Variants in KCNH3 observed in about 807,000 individuals in gnomAD.
KCNH3 encodes potassium voltage-gated channel subfamily H member 3, also known as voltage-gated inwardly rectifying potassium channel KCNH3.
In KCNH3, 36 loss-of-function variants were observed where a neutral mutation model predicts 95.6. That is an observed-to-expected ratio of 0.38 (90% confidence interval 0.29 to 0.50). The LOEUF (loss-of-function observed/expected upper bound fraction) is 0.50, where lower values mean the gene tolerates loss of function less well. Ranked by LOEUF, KCNH3 falls within the 20% of genes least tolerant of loss-of-function variation. KCNH3 has a pLI of 0.95. For synonymous variants in KCNH3, 620 were observed against 646.3 expected, an observed-to-expected ratio of 0.96 and a Z score of 0.62; for missense variants, 1,030 against 1,484.1, an observed-to-expected ratio of 0.69 and a Z score of 5.03.
chr12:49,550,384 C>G (rs931368756), intron 10 of KCNH3, 55 bp downstream of exon 10: 1 of 1,538,504 alleles, frequency 6.5e-7, no homozygotes, highest in Non-Finnish European at 8.7e-7. Flanking sequence ...GACCATGGCC[C>G]TGATCTGTGG....
intron 3 of KCNH3, among the ~76,000 whole-genome samples, chr12:49,541,974 GT>G (rs1937886707): frequency 1.3e-5 from 2 of 152,354 alleles, no homozygotes; most frequent in Admixed American, 1.3e-4. Flanking sequence ...CAAAGTTGGA[GT>G]TTTTAAGTCA....
intron 11 of KCNH3, among the ~76,000 whole-genome samples, 181 bp from the exon 12 acceptor site, chr12:49,555,439 T>A (rs777331435): frequency 2.8e-4 from 38 of 138,130 alleles, no homozygotes; most frequent in Non-Finnish European, 5.5e-4. Context: ...AGAGTAAGAC[T>A]CTGTCTCAAA....
chr12:49,557,849 G>A lies in KCNH3; in HGVS notation c.3148G>A (p.Gly1050Ser), dbSNP rs201778074. The A allele has an allele frequency of 1.9e-6, 3 of 1,591,704 alleles. No individual in the cohort carries two copies. The highest frequency in any genetic ancestry group is 2.3e-5 in the East Asian group (1 of 44,424). The change falls in exon 15 of 15, where the codon GGC becomes AGC. Residue 1050 changes from glycine to serine, a missense_variant. By Grantham distance (56) the Gly-to-Ser change is moderately conservative. Coordinates refer to ENST00000257981, the MANE Select transcript of KCNH3 (RefSeq NM_012284.3). ...STGEPPPGSG[G>S]LALPWDPHSL... ...TGGAGAGCCCCCACCAGGGTCAGGG[G>A]GCCTGGCCTTGCCCTGGGACCCCCA...
chr12:49,554,713 C>T (rs536381572), intron 11 of KCNH3, among the ~76,000 whole-genome samples, 159 bp downstream of exon 11: 1 of 146,038 alleles, frequency 6.8e-6, no homozygotes, highest in East Asian at 2.0e-4. Context: ...CCCTTCCACA[C>T]TCATGTGCCC....
At chr12:49,548,752 G>C in intron 7 of KCNH3, 143 bp from the exon 8 acceptor site, 1 of 764,262 alleles carries the variant, frequency 1.3e-6, no homozygotes, top group South Asian at 1.9e-5. Context: ...GGGGTGGAGA[G>C]GGGTGTGCTA....
rs758784006 is a variant in KCNH3 at position 49,557,240 on chromosome 12, T to C, written c.2633T>C (p.Leu878Pro). The C allele has an allele frequency of 1.2e-6, 2 of 1,613,404 alleles. No homozygotes were observed. Among genetic ancestry groups the C allele is most frequent in the Non-Finnish European group, 1.7e-6 (2 of 1,179,820 alleles). ...GPSEARNTDT[L>P]DKLRQAVTEL... ...AGCGAGGCAAGGAACACAGACACAC[T>C]GGACAAGCTTCGGCAGGCGGTGGGT... is the stretch of plus-strand genomic sequence containing the variant. Residue 878 changes from leucine (L) to proline (P), a missense_variant, in exon 14 of 15, where the codon CTG becomes CCG. By Grantham distance (98) the Leu-to-Pro change is moderately conservative. Around this residue, in one of 9 missense-constraint regions of KCNH3, gnomAD observed 464 missense variants for 493.2 expected, o/e 0.94. Coordinates refer to ENST00000257981, the MANE Select transcript of KCNH3 (RefSeq NM_012284.3).
intron 13 of KCNH3, 92 bp from the exon 14 acceptor site, chr12:49,557,091 C>T (rs2138172661): frequency 8.1e-7 from 1 of 1,229,268 alleles, no homozygotes; most frequent in East Asian, 2.4e-5. Flanking sequence ...CCTACCAGGT[C>T]AATGTGCTCT....
intron 13 of KCNH3, 48 bp from the exon 14 acceptor site, chr12:49,557,135 A>G (rs778298227): frequency 3.0e-5 from 48 of 1,595,772 alleles, no homozygotes; most frequent in Middle Eastern, 1.7e-4. Context: ...CAAATTGCCT[A>G]TCTCCTCTTA....
chr12:49,554,590 G>C, intron 11 of KCNH3, 36 bp downstream of exon 11: 1 of 1,563,226 alleles, frequency 6.4e-7, no homozygotes. Context: ...AGGGGATGGG[G>C]GTGCCAGGGA....
At chr12:49,554,652 G>A in intron 11 of KCNH3, 98 bp downstream of exon 11, 3 of 1,093,886 alleles carry the variant, frequency 2.7e-6, no homozygotes, top group Non-Finnish European at 4.0e-6. Flanking sequence ...TGTGTGAAGT[G>A]TGGCCTGGTA....
In KCNH3 at chr12:49,556,391, C is replaced by A. The variant is rs377678898; in HGVS notation, c.2490C>A (p.Asp830Glu). The A allele has an allele frequency of 6.2e-6, 10 of 1,613,484 alleles. No individual in the cohort carries two copies. Among genetic ancestry groups the A allele is most frequent in the Non-Finnish European group, 8.5e-6 (10 of 1,179,534 alleles). Residue 830 changes from aspartate (D) to glutamate (E), a missense_variant, in exon 13 of 15, where the codon GAC becomes GAA. By Grantham distance (45) the Asp-to-Glu change is conservative (BLOSUM62 2). Coordinates refer to ENST00000257981, the MANE Select transcript of KCNH3 (RefSeq NM_012284.3). Reference sequence around the variant, plus strand: ...ACAGGGTAGTAGATGGCATTGAAGACGGCTGTGGCTCGGACCAGCCCAAGT... The same window carrying A: ...ACAGGGTAGTAGATGGCATTGAAGAAGGCTGTGGCTCGGACCAGCCCAAGT... ...LSPRVVDGIE[D>E]GCGSDQPKFS...
At position 49,544,238 on chromosome 12, in the gene KCNH3, C is replaced by G. The variant is rs1353799778; in HGVS notation, c.1045C>G (p.Leu349Val). 6.3e-7 allele frequency: 1 copy of G among 1,599,518 alleles called. No individual in the cohort carries two copies. The highest frequency in any genetic ancestry group is 1.7e-5 in the Admixed American group (1 of 58,474). Residue 349 changes from leucine (L) to valine (V), a missense_variant, in exon 7 of 15, where the codon CTG (leucine) becomes GTG (valine). Coordinates refer to ENST00000257981, the MANE Select transcript of KCNH3 (RefSeq NM_012284.3). ...GCGCCTGCTGCGCCTGCTTCCGCGG[C>G]TGGACCGGTACTCGCAGTACAGCGC... ...LLRLLRLLPR[L>V]DRYSQYSAVV...
At chr12:49,547,007 G>C (rs1274630502) in intron 7 of KCNH3, among the ~76,000 whole-genome samples, 1 of 148,358 alleles carries the variant, frequency 6.7e-6, no homozygotes, top group East Asian at 1.9e-4. Context: ...CAATTCTTCT[G>C]CCTCAGTCTC....
At chr12:49,543,172 T>G (rs1937933441) in intron 4 of KCNH3, 103 bp from the exon 5 acceptor site, 4 of 1,272,842 alleles carry the variant, frequency 3.1e-6, no homozygotes, top group Non-Finnish European at 4.4e-6. Context: ...GCTTCGATAA[T>G]GCAGGGATAG....
intron 2 of KCNH3, 132 bp downstream of exon 2, chr12:49,541,264 C>T (rs1028584815): frequency 2.0e-5 from 14 of 715,588 alleles, no homozygotes; most frequent in Non-Finnish European, 3.3e-5. Context: ...CTTCCCATCC[C>T]CCCATCCAAC....
rs138503149 is a variant in KCNH3 at position 49,543,430 on chromosome 12, C to T, written c.735C>T (p.Ser245=). ...TLYVAVTVPY[S]VCVSTAREPS... ...ATGTGGCTGTCACTGTGCCCTACAG[C>T]GTGTGTGTGAGCACAGCACGGGAGC... Residue 245 remains serine, a synonymous_variant, in exon 5 of 15, where the codon AGC becomes AGT. Coordinates refer to ENST00000257981, the MANE Select transcript of KCNH3 (RefSeq NM_012284.3). 4.9e-5 allele frequency: 78 copies of T among 1,607,874 alleles called. No individual in the cohort carries two copies. The African/African-American group carries it at 8.3e-4, about 17-fold the overall frequency.
In KCNH3 at chr12:49,544,295, G is replaced by A. The variant is rs757652017; in HGVS notation, c.1102G>A (p.Ala368Thr). 17 of 1,612,408 alleles carry A rather than the reference G, an allele frequency of 1.1e-5. No individual in the cohort carries two copies. The highest frequency in any genetic ancestry group is 2.2e-5 in the East Asian group (1 of 44,886). The change falls in exon 7 of 15, where the codon GCC becomes ACC. Residue 368 changes from alanine (A) to threonine (T), a missense_variant. Physicochemically the swap from Ala to Thr is moderately conservative, Grantham distance 58 (BLOSUM62 0). Coordinates refer to ENST00000257981, the MANE Select transcript of KCNH3 (RefSeq NM_012284.3). Reference protein sequence around the residue: ...VVLTLLMAVFALLAHWVACVW... With the variant: ...VVLTLLMAVFTLLAHWVACVW... ...GCTGACACTGCTCATGGCCGTGTTC[G>A]CCCTGCTCGCGCACTGGGTCGCCTG...
At position 49,555,610 on chromosome 12, in the gene KCNH3, C is replaced by T; in HGVS notation, c.2137-10C>T. ...ATCCATGCCGATTCCCTGTCCCTCACTATCCCTAGGTGGACACCAGCTCCC... is the reference window on the plus strand; with the variant it reads ...ATCCATGCCGATTCCCTGTCCCTCATTATCCCTAGGTGGACACCAGCTCCC... On this transcript the variant is annotated splice_polypyrimidine_tract_variant and intron_variant, in intron 11 of 14. Coordinates refer to ENST00000257981, the MANE Select transcript of KCNH3 (RefSeq NM_012284.3). The T allele has an allele frequency of 6.6e-7, 1 of 1,511,680 alleles. No homozygotes were observed. The highest frequency in any genetic ancestry group is 1.3e-5 in the South Asian group (1 of 76,272). The allele number at this position is 1,511,680 out of a possible 1,614,324, so 93.6% of individuals were successfully genotyped here. A position where few individuals can be genotyped will look rare whatever the true frequency, so the allele number is the denominator to read the frequency against.
intron 7 of KCNH3, 89 bp downstream of exon 7, chr12:49,544,471 T>C: frequency 1.5e-6 from 2 of 1,308,886 alleles, no homozygotes; most frequent in African/African-American, 1.4e-5. Flanking sequence ...GTGGTGTCCC[T>C]ACCTGTGCAA....
Sources: gnomAD v4.1 joint callset for allele counts (sites outside exome capture counted in the v4.1 genomes callset) on GRCh38, gnomAD v4.1.1 for gene constraint, gnomAD v4.1.1 regional missense constraint, MANE v1.5 for transcripts, NCBI Gene and HGNC (gene_info 2026-07-23, HGNC 2026-07-21) for gene names.